The following KCNN3 variants were observed in gnomAD, a reference collection of about 807,000 sequenced individuals.
KCNN3 encodes the protein small conductance calcium-activated potassium channel protein 3.
In KCNN3, 16 loss-of-function variants were observed where a neutral mutation model predicts 62.9. The observed-to-expected ratio is 0.25, with a 90% CI of 0.17 to 0.39. The LOEUF is 0.39. KCNN3 is among the 10% of genes least tolerant of loss of function. The pLI, the probability that KCNN3 is intolerant of heterozygous loss-of-function variation, is 1.00. For missense variants in KCNN3, 599 were observed against 949.4 expected, an observed-to-expected ratio of 0.63 and a Z score of 4.85; for synonymous variants, 370 against 389.2, an observed-to-expected ratio of 0.95 and a Z score of 0.58.
At position 154,772,256 on chromosome 1, in the gene KCNN3, G is replaced by A. The variant is rs1425854361; in HGVS notation, c.1167C>T (p.Arg389=). Residue 389 remains arginine, a synonymous_variant, in exon 3 of 8, where the codon CGC becomes CGT. Coordinates refer to ENST00000271915, the MANE Select transcript of KCNN3 (RefSeq NM_002249.6). The surrounding 1 kb of genome is among the most constrained non-coding windows in gnomAD (Gnocchi z 5.6). ...GGGAGGGTGTGTAGGAGAAGGCCAG[G>A]CGTGCCGTCCAGAAGAACTTGTACT... is the stretch of plus-strand genomic sequence containing the variant. ...PGEYKFFWTA[R]LAFSYTPSRA... 1 of 1,614,246 alleles carries A rather than the reference G, an allele frequency of 6.2e-7. No homozygotes were observed. Among genetic ancestry groups the A allele is most frequent in the African/African-American group, 1.3e-5 (1 of 75,058 alleles).
At chr1:154,792,489 A>G (rs939795625) in intron 2 of KCNN3, among the ~76,000 whole-genome samples, 2 of 152,266 alleles carry the variant, frequency 1.3e-5, no homozygotes, top group Non-Finnish European at 2.9e-5. Context: ...GAAAAGTAAC[A>G]GCAAGCTGAT....
chr1:154,780,204 T>TC (rs1276898735), intron 2 of KCNN3, among the ~76,000 whole-genome samples: 2 of 128,066 alleles, frequency 1.6e-5, no homozygotes, highest in African/African-American at 2.8e-5. Context: ...CTTTTTTTTT[T>TC]TTTTTTTTTT....
intron 1 of KCNN3, among the ~76,000 whole-genome samples, chr1:154,840,547 G>C (rs1401443598): frequency 6.6e-6 from 1 of 152,272 alleles, no homozygotes; most frequent in Middle Eastern, 3.4e-3. Flanking sequence ...GCCAATCCTT[G>C]TCATTCAAAG....
At chr1:154,710,220 G>A (rs1402972550) in intron 7 of KCNN3, among the ~76,000 whole-genome samples, 1 of 152,184 alleles carries the variant, frequency 6.6e-6, no homozygotes, top group Admixed American at 6.5e-5. Flanking sequence ...AAGGGCAGGA[G>A]TGGGAAGGCG....
At chr1:154,841,721 C>A (rs12740456) in intron 1 of KCNN3, among the ~76,000 whole-genome samples, 15,218 of 152,202 alleles carry the variant, frequency 0.1, 1,034 homozygotes, top group Non-Finnish European at 0.15. Flanking sequence ...CATCCCCATC[C>A]CCGAATGAGA....
intron 2 of KCNN3, among the ~76,000 whole-genome samples, chr1:154,815,407 C>T (rs1650621339): frequency 6.6e-6 from 1 of 152,150 alleles, no homozygotes; most frequent in Admixed American, 6.5e-5. Context: ...ATGCAGGGCA[C>T]AGCATCATCT....
At chr1:154,820,765 G>A (rs752697811) in intron 2 of KCNN3, among the ~76,000 whole-genome samples, 1 of 152,224 alleles carries the variant, frequency 6.6e-6, no homozygotes, top group Non-Finnish European at 1.5e-5. Context: ...CCAAGCATCT[G>A]CAACCCTTTA....
intron 1 of KCNN3, among the ~76,000 whole-genome samples, chr1:154,848,146 C>T (rs1280907372): frequency 6.6e-6 from 1 of 152,174 alleles, no homozygotes; most frequent in African/African-American, 2.4e-5. Flanking sequence ...GGGCACCGTG[C>T]CATCCTGTTC....
At chr1:154,715,897 G>C (rs2101768231) in intron 5 of KCNN3, among the ~76,000 whole-genome samples, 1 of 152,298 alleles carries the variant, frequency 6.6e-6, no homozygotes, top group Non-Finnish European at 1.5e-5. Context: ...CCCACTGATT[G>C]GAACTATAGG....
intron 1 of KCNN3, among the ~76,000 whole-genome samples, chr1:154,837,695 G>A (rs976068496): frequency 1.2e-4 from 19 of 152,352 alleles, no homozygotes; most frequent in Admixed American, 8.5e-4. Flanking sequence ...TCCACTGCCG[G>A]TGATGACACA....
rs1650917541 is a variant in KCNN3 at position 154,821,982 on chromosome 1, C to T, written c.1029+107G>A. ...TCTTGGGCACCGTCTTGTAAAATCACCCAAGTAGCTGCTAAGGGAGTGGGT... is the reference window on the plus strand; with the variant it reads ...TCTTGGGCACCGTCTTGTAAAATCATCCAAGTAGCTGCTAAGGGAGTGGGT... On this transcript the variant is annotated intron_variant, in intron 2 of 7. Transcript: ENST00000271915. The T allele has an allele frequency of 3.7e-6, 3 of 821,642 alleles. No homozygotes were observed. In the South Asian group the frequency reaches 4.3e-5, roughly 12 times the overall value. The allele number at this position is 821,642 out of a possible 1,614,324, so 50.9% of individuals were successfully genotyped here. A position where few individuals can be genotyped will look rare whatever the true frequency, so the allele number is the denominator to read the frequency against.
Position 154,827,478 on chromosome 1 carries a change from C to T in KCNN3, c.934-5294G>A, listed in dbSNP as rs114108968. Among the ~76,000 whole-genome samples, 600 of 152,244 alleles carry T rather than the reference C, an allele frequency of 3.9e-3. 2 individuals are homozygous for T. The highest frequency in any genetic ancestry group is 0.014 in the African/African-American group (577 of 41,518). The stretch of plus-strand genomic sequence containing the variant: ...ATCCTCAGCTCCTATCTTAGCACAG[C>T]CTCCTCCTCCCAGGTGCAGCACCCT... On this transcript the variant is annotated intron_variant, in intron 1 of 7. Coordinates refer to ENST00000271915, the MANE Select transcript of KCNN3 (RefSeq NM_002249.6).
At chr1:154,795,214 C>T (rs937784735) in intron 2 of KCNN3, among the ~76,000 whole-genome samples, 1 of 152,196 alleles carries the variant, frequency 6.6e-6, no homozygotes, top group African/African-American at 2.4e-5. Flanking sequence ...CGCTGGCTAA[C>T]CAAAAACTGA....
At position 154,714,606 on chromosome 1, in the gene KCNN3, GTGTGT is replaced by G. The variant is rs1360179093; in HGVS notation, c.1829+265_1829+269del. Among the ~76,000 whole-genome samples, 89 of 28,248 alleles carry G rather than the reference GTGTGT, an allele frequency of 3.2e-3. 4 individuals are homozygous for G. Among genetic ancestry groups the G allele is most frequent in the Non-Finnish European group, 5.5e-3 (69 of 12,562 alleles). The allele number at this position is 28,248 out of a possible 152,430, so 18.5% of individuals were successfully genotyped here. Reference sequence around the variant, plus strand: ...GTGTGTATGGTGTGTGTGATGTGTGGTGTGTGGTGTGTGTGTGTGTGTGTGTGTGT... The same window carrying G: ...GTGTGTATGGTGTGTGTGATGTGTGGGGTGTGTGTGTGTGTGTGTGTGTGT... On this transcript the variant is annotated intron_variant, in intron 6 of 7. Coordinates refer to ENST00000271915, the MANE Select transcript of KCNN3 (RefSeq NM_002249.6).
chr1:154,856,052 C>T (rs756329559), intron 1 of KCNN3, among the ~76,000 whole-genome samples: 47 of 152,210 alleles, frequency 3.1e-4, no homozygotes, highest in Non-Finnish European at 6.5e-4. Context: ...TCAGGTACCT[C>T]GGGGAAAAGT....
intron 1 of KCNN3, 46 bp downstream of exon 1, chr1:154,868,986 A>T: frequency 6.4e-7 from 1 of 1,568,356 alleles, no homozygotes; most frequent in Non-Finnish European, 8.8e-7. Flanking sequence ...CTTGCTACCT[A>T]CATATTCCTT....
chr1:154,823,488 C>T (rs1434904577), intron 1 of KCNN3, among the ~76,000 whole-genome samples: 4 of 152,208 alleles, frequency 2.6e-5, no homozygotes, highest in South Asian at 2.1e-4. Flanking sequence ...CGGCCTTTTA[C>T]CTTATAGATA....
intron 3 of KCNN3, among the ~76,000 whole-genome samples, chr1:154,763,086 C>T (rs1648095453): frequency 6.6e-6 from 1 of 152,066 alleles, no homozygotes; most frequent in Non-Finnish European, 1.5e-5. Context: ...AAAGCCCCCT[C>T]AATGGTCTTC....
chr1:154,794,433 T>C (rs1018458786), intron 2 of KCNN3, among the ~76,000 whole-genome samples: 16 of 152,334 alleles, frequency 1.1e-4, no homozygotes, highest in Middle Eastern at 3.4e-3. Flanking sequence ...TGGCTCTCCA[T>C]GTAAATGACT....
Sources: gnomAD v4.1 joint callset for allele counts (sites outside exome capture counted in the v4.1 genomes callset) on GRCh38, gnomAD v4.1.1 for gene constraint, Gnocchi (gnomAD v3.1) non-coding constraint, MANE v1.5 for transcripts, NCBI Gene and HGNC (gene_info 2026-07-23, HGNC 2026-07-21) for gene names.